The following KIF26B variants were observed in gnomAD, a reference collection of about 807,000 sequenced individuals.
KIF26B encodes the protein kinesin-like protein KIF26B.
In KIF26B, 63 loss-of-function variants were observed where a neutral mutation model predicts 151.2. The observed-to-expected ratio is 0.42, with a 90% CI of 0.34 to 0.51. KIF26B has a LOEUF of 0.51. KIF26B is among the 20% of genes least tolerant of loss of function. KIF26B has a pLI of 0.07. For missense variants in KIF26B, 2,813 were observed against 2,913.6 expected (o/e 0.97, Z 0.79); for synonymous variants, 1,357 against 1,262.1 (o/e 1.08, Z -1.59).
chr1:245,161,765 A>G (rs1668533486), intron 2 of KIF26B, among the ~76,000 whole-genome samples: 1 of 152,206 alleles, frequency 6.6e-6, no homozygotes, highest in Non-Finnish European at 1.5e-5. Flanking sequence ...TGCAAGGAAC[A>G]GAGAAATCCA....
chr1:245,228,651 T>A (rs1024879812), intron 2 of KIF26B, among the ~76,000 whole-genome samples: 1 of 152,078 alleles, frequency 6.6e-6, no homozygotes, highest in Non-Finnish European at 1.5e-5. Flanking sequence ...AACAATAAAA[T>A]ACAATTATTG....
Position 245,230,356 on chromosome 1 carries a change from A to G in KIF26B, c.465+73673A>G, listed in dbSNP as rs149494023. 5.4e-4 allele frequency among the ~76,000 whole-genome samples: 82 copies of G among 152,308 alleles called. No homozygotes were observed. The East Asian group carries it at 0.015, about 28-fold the overall frequency. On this transcript the variant is annotated intron_variant, in intron 2 of 14. Coordinates refer to ENST00000407071, the MANE Select transcript of KIF26B (RefSeq NM_018012.4). ...GAAATAAGAAACTTAGAGGCACCCA[A>G]GGGATTTCAGACCTATTTTTGCTGG...
At chr1:245,245,543 C>T (rs944566842) in intron 2 of KIF26B, among the ~76,000 whole-genome samples, 1 of 152,148 alleles carries the variant, frequency 6.6e-6, no homozygotes, top group Non-Finnish European at 1.5e-5. Context: ...CTAATCTCAG[C>T]ACTTTGGGAG....
chr1:245,541,082 T>A (rs1408081618), intron 5 of KIF26B, 132 bp downstream of exon 5: 10 of 749,266 alleles, frequency 1.3e-5, no homozygotes, highest in East Asian at 8.1e-5. Context: ...CAAGATGAAA[T>A]TCATTTGAAA....
chr1:245,443,776 C>G (rs1659178915), intron 4 of KIF26B, among the ~76,000 whole-genome samples: 2 of 102,542 alleles, frequency 2.0e-5, no homozygotes, highest in Admixed American at 1.8e-4. Context: ...CCTCACTGTT[C>G]ACCCTGCGGT....
At chr1:245,468,846 T>C (rs1659848408) in intron 4 of KIF26B, among the ~76,000 whole-genome samples, 1 of 152,236 alleles carries the variant, frequency 6.6e-6, no homozygotes, top group Admixed American at 6.5e-5. Context: ...GCATCTGGAC[T>C]GTTAAATTAA....
At chr1:245,578,522 T>G (rs2043146496) in intron 5 of KIF26B, among the ~76,000 whole-genome samples, 1 of 152,180 alleles carries the variant, frequency 6.6e-6, no homozygotes, top group Non-Finnish European at 1.5e-5. Context: ...GCACGAAACA[T>G]GAGGAGTGTG....
intron 10 of KIF26B, among the ~76,000 whole-genome samples, chr1:245,683,733 G>A (rs531189950): frequency 1.3e-5 from 2 of 152,290 alleles, no homozygotes; most frequent in East Asian, 1.9e-4. Context: ...TAAAGTAGCC[G>A]CAGTTTCCTG....
At chr1:245,304,048 C>T (rs1450381912) in intron 2 of KIF26B, among the ~76,000 whole-genome samples, 3 of 152,242 alleles carry the variant, frequency 2.0e-5, no homozygotes, top group African/African-American at 7.2e-5. Context: ...CACAGATTTG[C>T]AGATCTTTTT....
intron 4 of KIF26B, among the ~76,000 whole-genome samples, chr1:245,489,956 G>T (rs1175616671): frequency 6.6e-6 from 1 of 152,146 alleles, no homozygotes; most frequent in Non-Finnish European, 1.5e-5. Flanking sequence ...AGGAGTTCTG[G>T]GCAGGTAAGG....
chr1:245,233,582 C>T (rs1473794458), intron 2 of KIF26B, among the ~76,000 whole-genome samples: 1 of 152,088 alleles, frequency 6.6e-6, no homozygotes, highest in Non-Finnish European at 1.5e-5. Context: ...ACTGCAGACT[C>T]TTAGTGTCCA....
rs1379537110 is a variant in KIF26B, at chr1:245,564,226, A to T, written c.1350+23276A>T. Among the ~76,000 whole-genome samples the T allele has an allele frequency of 6.6e-6, 1 of 152,104 alleles. No homozygotes were observed. The highest frequency in any genetic ancestry group is 1.5e-5 in the Non-Finnish European group (1 of 68,024). On this transcript the variant is annotated intron_variant, in intron 5 of 14. Transcript: ENST00000407071. The surrounding 1 kb of genome is among the most constrained non-coding windows in gnomAD (Gnocchi z 4.6). ...CTCTGCCCCTGGGTTCACGCCACTT[A>T]GAATGAGCTTCCCCCCATTTTCTGC...
intron 10 of KIF26B, among the ~76,000 whole-genome samples, chr1:245,680,136 A>G (rs889202897): frequency 2.0e-5 from 3 of 152,166 alleles, no homozygotes; most frequent in African/African-American, 7.2e-5. Flanking sequence ...CCCTCCAAAG[A>G]TTCCGAGTTC....
chr1:245,344,096 CCT>C (rs774615225), intron 2 of KIF26B, among the ~76,000 whole-genome samples: 1 of 151,348 alleles, frequency 6.6e-6, no homozygotes, highest in Non-Finnish European at 1.5e-5. Context: ...TCCCTCCCTC[CCT>C]CTTTTCTTTC....
In KIF26B at chr1:245,698,673, G is replaced by T. The variant is rs139636485; in HGVS notation, c.6028-214G>T. On this transcript the variant is annotated intron_variant, in intron 13 of 14. Coordinates refer to ENST00000407071, the MANE Select transcript of KIF26B (RefSeq NM_018012.4). This position sits in a 1 kb window ranked among gnomAD's most constrained non-coding sequence, Gnocchi z 4.0. ...AATGGCCTGTCATAGTCCAAAAATG[G>T]TCTGTCATAGTCCAAGAATGGTCTG... is the stretch of plus-strand genomic sequence containing the variant. Among the ~76,000 whole-genome samples, 1 of 149,290 alleles carries T rather than the reference G, an allele frequency of 6.7e-6. No homozygotes were observed. Among genetic ancestry groups the T allele is most frequent in the Non-Finnish European group, 1.5e-5 (1 of 68,006 alleles).
chr1:245,393,469 G>GTT (rs149240437), intron 3 of KIF26B, among the ~76,000 whole-genome samples: 1 of 151,820 alleles, frequency 6.6e-6, no homozygotes, highest in African/African-American at 2.4e-5. Flanking sequence ...GGCTTCTGTT[G>GTT]TTTTGTTTTC....
chr1:245,607,755 G>A lies in KIF26B; in HGVS notation c.1651+11G>A. 1 of 1,605,846 alleles carries A rather than the reference G, an allele frequency of 6.2e-7. No individual in the cohort carries two copies. The highest frequency in any genetic ancestry group is 8.5e-7 in the Non-Finnish European group (1 of 1,175,148). Reference sequence around the variant, plus strand: ...GCCACGCCAAACTGGGTTCGTGAGAGTTTCACTTTCTCATGCGGCTCGTTG... The same window carrying A: ...GCCACGCCAAACTGGGTTCGTGAGAATTTCACTTTCTCATGCGGCTCGTTG... On this transcript the variant is annotated intron_variant, in intron 7 of 14. Coordinates refer to ENST00000407071, the MANE Select transcript of KIF26B (RefSeq NM_018012.4).
intron 9 of KIF26B, among the ~76,000 whole-genome samples, chr1:245,629,797 A>G (rs924656585): frequency 1.3e-5 from 2 of 152,226 alleles, no homozygotes; most frequent in East Asian, 3.8e-4. Flanking sequence ...CTAGCATCAG[A>G]GTGAACAGAC....
chr1:245,189,978 G>A (rs1212238249), intron 2 of KIF26B, among the ~76,000 whole-genome samples: 2 of 152,148 alleles, frequency 1.3e-5, no homozygotes, highest in East Asian at 1.9e-4. Context: ...ACTCACTACC[G>A]TGAGAACAGT....
Sources: allele counts gnomAD v4.1 joint callset (sites outside exome capture counted in the v4.1 genomes callset), GRCh38; gene constraint gnomAD v4.1.1; non-coding constraint Gnocchi (gnomAD v3.1); transcripts MANE v1.5; gene names NCBI Gene and HGNC (gene_info 2026-07-23, HGNC 2026-07-21).